The following STRN3 variants were observed in gnomAD, a reference collection of about 807,000 sequenced individuals.
The protein encoded by STRN3 is striatin 3.
Under a neutral mutation model 95.6 loss-of-function variants are expected in STRN3, and 29 were observed. The observed-to-expected ratio is 0.30, with a 90% CI of 0.23 to 0.41. The LOEUF (loss-of-function observed/expected upper bound fraction) is 0.41, where lower values mean the gene tolerates loss of function less well. Ranked by LOEUF, STRN3 falls within the 10% of genes least tolerant of loss-of-function variation. STRN3 has a pLI of 1.00. For missense variants in STRN3, 890 were observed against 972.1 expected (o/e 0.92, Z 1.12); for synonymous variants, 331 against 357.6 (o/e 0.93, Z 0.84).
At chr14:31,019,254 A>G (rs1883389281) in intron 1 of STRN3, among the ~76,000 whole-genome samples, 1 of 152,178 alleles carries the variant, frequency 6.6e-6, no homozygotes, top group Non-Finnish European at 1.5e-5. Context: ...GGCTGCAGTG[A>G]GCTACGATCG....
At position 30,906,984 on chromosome 14, in the gene STRN3, T is replaced by G. The variant is rs773853151; in HGVS notation, c.1781A>C (p.Tyr594Ser). 4.3e-6 allele frequency: 7 copies of G among 1,613,844 alleles called. No homozygotes were observed. Among genetic ancestry groups the G allele is most frequent in the Non-Finnish European group, 5.9e-6 (7 of 1,179,914 alleles). ...GHTDAVWGLA[Y>S]SGIKNQLLSC... ...CAGTAATTGATTTTTTATGCCACTA[T>G]AAGCAAGACCCCAAACTGCATCTGT... is the stretch of plus-strand genomic sequence containing the variant. Residue 594 changes from tyrosine (Y) to serine (S), a missense_variant, in exon 14 of 18, where the codon TAT becomes TCT. Transcript: ENST00000357479.
At chr14:30,902,791 C>T (rs1223961630) in intron 15 of STRN3, 148 bp from the exon 16 acceptor site, 1 of 589,182 alleles carries the variant, frequency 1.7e-6, no homozygotes, top group Non-Finnish European at 2.9e-6. Flanking sequence ...AACAAGGACT[C>T]TAGAGAGATT....
chr14:30,899,811 G>A (rs1326701330), intron 16 of STRN3, among the ~76,000 whole-genome samples: 5 of 150,134 alleles, frequency 3.3e-5, no homozygotes, highest in African/African-American at 1.2e-4. Flanking sequence ...TCTTATACAT[G>A]ATAGTATCCA....
At chr14:31,018,819 TAATAG>T in intron 1 of STRN3, 1 of 405,624 alleles carries the variant, frequency 2.5e-6, no homozygotes, top group Non-Finnish European at 4.8e-6. Context: ...CTTCAAGCAC[TAATAG>T]AATAAAAGAA....
intron 5 of STRN3, among the ~76,000 whole-genome samples, chr14:30,938,914 T>C (rs1191472688): frequency 6.6e-6 from 1 of 152,202 alleles, no homozygotes; most frequent in African/African-American, 2.4e-5. Flanking sequence ...TCATAGACTA[T>C]GAAAGGTCTC....
intron 4 of STRN3, among the ~76,000 whole-genome samples, chr14:30,949,950 A>G (rs1879558230): frequency 6.6e-6 from 1 of 152,176 alleles, no homozygotes; most frequent in Non-Finnish European, 1.5e-5. Flanking sequence ...TCCAAGAGTT[A>G]ACTAGAAAGA....
chr14:30,995,341 A>G (rs902974036), intron 1 of STRN3, among the ~76,000 whole-genome samples: 5 of 152,222 alleles, frequency 3.3e-5, no homozygotes, highest in Admixed American at 2.6e-4. Context: ...AAAAAAAACA[A>G]AAGAACTCCC....
chr14:30,985,312 A>G (rs1280882420), intron 1 of STRN3, among the ~76,000 whole-genome samples: 2 of 149,156 alleles, frequency 1.3e-5, no homozygotes, highest in East Asian at 3.9e-4. Context: ...CCGCCAAAAA[A>G]AAAAAAATAG....
intron 16 of STRN3, among the ~76,000 whole-genome samples, chr14:30,896,843 T>C (rs950784265): frequency 1.3e-5 from 2 of 152,150 alleles, no homozygotes; most frequent in African/African-American, 2.4e-5. Flanking sequence ...GTATCTTCAG[T>C]GAAGATTTGG....
In STRN3 at chr14:31,026,216, C is replaced by G; in HGVS notation, c.-31G>C. On this transcript the variant is annotated 5_prime_UTR_variant, in exon 1 of 18. Transcript: ENST00000357479. ...GTGGGGCCCCGGCCGGGGCGCAGGG[C>G]GAGACGCCGACAGCTGGGGGAAGGG... 1 of 1,384,282 alleles carries G rather than the reference C, an allele frequency of 7.2e-7. No homozygotes were observed. Among genetic ancestry groups the G allele is most frequent in the Non-Finnish European group, 9.3e-7 (1 of 1,078,100 alleles). The allele number at this position is 1,384,282 out of a possible 1,614,324, so 85.7% of individuals were successfully genotyped here.
intron 1 of STRN3, among the ~76,000 whole-genome samples, chr14:31,002,096 G>A (rs1047852123): frequency 2.0e-5 from 3 of 149,408 alleles, no homozygotes; most frequent in African/African-American, 7.4e-5. Flanking sequence ...AACCCGGTGG[G>A]CGGAGGTTGC....
intron 4 of STRN3, among the ~76,000 whole-genome samples, chr14:30,949,646 T>C (rs111753981): frequency 0.39 from 59,549 of 151,416 alleles, 12,511 homozygotes; most frequent in Non-Finnish European, 0.47. Flanking sequence ...ATTGTGCCAC[T>C]GCACTCCGGC....
chr14:31,004,245 C>T (rs973612097), intron 1 of STRN3, among the ~76,000 whole-genome samples: 3 of 151,552 alleles, frequency 2.0e-5, no homozygotes, highest in African/African-American at 4.8e-5. Flanking sequence ...CATGATCACA[C>T]TGCCACACTC....
rs1005375962 is a variant in STRN3, at chr14:31,014,426, G to A, written c.282+11478C>T. Among the ~76,000 whole-genome samples, 4 of 151,864 alleles carry A rather than the reference G, an allele frequency of 2.6e-5. No individual in the cohort carries two copies. In the South Asian group the frequency reaches 8.3e-4, roughly 32 times the overall value. Reference sequence around the variant, plus strand: ...TAGTAAAGACGGGGTTTCACCATGTGGGTCAGGCTGTTCTCGAACTCCTAA... The same window carrying A: ...TAGTAAAGACGGGGTTTCACCATGTAGGTCAGGCTGTTCTCGAACTCCTAA... On this transcript the variant is annotated intron_variant, in intron 1 of 17. Coordinates refer to ENST00000357479, the MANE Select transcript of STRN3 (RefSeq NM_001083893.2).
intron 11 of STRN3, 58 bp downstream of exon 11, chr14:30,911,949 A>C (rs1896621841): frequency 6.3e-7 from 1 of 1,576,270 alleles, no homozygotes; most frequent in Non-Finnish European, 8.6e-7. Context: ...AATGAGGAAT[A>C]ATTACTTATA....
In STRN3 at chr14:30,947,280, A is replaced by C; in HGVS notation, c.543-17T>G. On this transcript the variant is annotated splice_polypyrimidine_tract_variant and intron_variant, in intron 4 of 17. Coordinates refer to ENST00000357479, the MANE Select transcript of STRN3 (RefSeq NM_001083893.2). Reference sequence around the variant, plus strand: ...TGAAGATACCTGTAAGAGAAAATAAATATTAAAATCCACATACTGTTAACA... The same window carrying C: ...TGAAGATACCTGTAAGAGAAAATAACTATTAAAATCCACATACTGTTAACA... 1 of 1,556,676 alleles carries C rather than the reference A, an allele frequency of 6.4e-7. No homozygotes were observed. The highest frequency in any genetic ancestry group is 8.7e-7 in the Non-Finnish European group (1 of 1,155,562).
chr14:30,956,173 T>C lies in STRN3; in HGVS notation c.352A>G (p.Ile118Val), dbSNP rs2139143340. ...ENLKKDLVRR[I>V]KMLEYALKQE... is the part of the protein sequence containing the mutation. ...TTTAATGCATACTCTAACATCTTTA[T>C]TCTTCTTACTAAGTCCTTCTTCAGG... Residue 118 changes from isoleucine to valine, a missense_variant, in exon 2 of 18, where the codon ATA becomes GTA. Ile to Val is a conservative substitution (Grantham distance 29, BLOSUM62 3). Around this residue, in one of 3 missense-constraint regions of STRN3, gnomAD observed 526 missense variants for 526.3 expected, o/e 1.00. Coordinates refer to ENST00000357479, the MANE Select transcript of STRN3 (RefSeq NM_001083893.2). 1.9e-6 allele frequency: 3 copies of C among 1,614,006 alleles called. No individual in the cohort carries two copies. The highest frequency in any genetic ancestry group is 3.3e-4 in the Middle Eastern group (2 of 6,062).
At chr14:30,948,452 G>T (rs897868824) in intron 4 of STRN3, among the ~76,000 whole-genome samples, 21 of 152,038 alleles carry the variant, frequency 1.4e-4, no homozygotes, top group African/African-American at 5.1e-4. Flanking sequence ...ACAACCAAAG[G>T]ACTAGAATCA....
chr14:30,955,328 T>G (rs1879847229), intron 3 of STRN3, among the ~76,000 whole-genome samples: 2 of 152,230 alleles, frequency 1.3e-5, no homozygotes, highest in Admixed American at 1.3e-4. Flanking sequence ...ACTAAAATTT[T>G]AAAATTTACT....
Sources: gnomAD v4.1 joint callset for allele counts (sites outside exome capture counted in the v4.1 genomes callset) on GRCh38, gnomAD v4.1.1 for gene constraint, gnomAD v4.1.1 regional missense constraint, MANE v1.5 for transcripts, NCBI Gene and HGNC (gene_info 2026-07-23, HGNC 2026-07-21) for gene names.